Variants in KAZN observed in about 807,000 individuals in gnomAD.
KAZN encodes the protein kazrin.
In KAZN, 40 loss-of-function variants were observed where a neutral mutation model predicts 87.4. The observed-to-expected ratio is 0.46, with a 90% CI of 0.36 to 0.60. The LOEUF (loss-of-function observed/expected upper bound fraction) is 0.60. Among genes scored for constraint, KAZN ranks in the 20% least tolerant of loss-of-function variants. The probability of loss-of-function intolerance (pLI) is 0.00; values close to 1 mark genes in which losing one functional copy is unlikely to be tolerated. For missense variants in KAZN, 898 were observed against 1,073.9 expected, an observed-to-expected ratio of 0.84 and a Z score of 2.29; for synonymous variants, 466 against 458.3, an observed-to-expected ratio of 1.02 and a Z score of -0.22.
chr1:14,860,077 T>A (rs183839025), intron 1 of KAZN, among the ~76,000 whole-genome samples: 1 of 152,230 alleles, frequency 6.6e-6, no homozygotes, highest in Admixed American at 6.5e-5. Flanking sequence ...CTTCTCCAGG[T>A]ACCATTGCAA....
At chr1:14,510,067 C>T (rs1670819645) in intron 2 of KAZN, among the ~76,000 whole-genome samples, 1 of 152,136 alleles carries the variant, frequency 6.6e-6, no homozygotes, top group African/African-American at 2.4e-5. Context: ...ACATAGATCT[C>T]CGGTGAGTAC....
intron 2 of KAZN, among the ~76,000 whole-genome samples, chr1:14,466,918 G>A (rs1401408977): frequency 2.6e-5 from 4 of 152,112 alleles, no homozygotes; most frequent in Non-Finnish European, 2.9e-5. Flanking sequence ...GCAGTGAGCC[G>A]AGATCGCGCC....
At chr1:14,005,670 A>G (rs1640005698) in intron 1 of KAZN, among the ~76,000 whole-genome samples, 1 of 152,218 alleles carries the variant, frequency 6.6e-6, no homozygotes, top group Non-Finnish European at 1.5e-5. Context: ...GCCAGGCACT[A>G]CTGGGCTGAA....
intron 1 of KAZN, among the ~76,000 whole-genome samples, chr1:14,780,909 GGATTCGGTGTTCGGAAACAGCAAAAT>G (rs1385126924): frequency 4.6e-5 from 7 of 152,196 alleles, no homozygotes; most frequent in Non-Finnish European, 1.0e-4. Context: ...AAGAAGCAGA[GGATTCGGTGTTCGGAAACAGCAAAAT>G]CCCTTCTGCA....
In KAZN at chr1:15,099,013, C is replaced by T. The variant is rs1209195087; in HGVS notation, c.1548-2530C>T. ...GTGCAGAGATGGGGACTTCCAGGGGCTTTGGACACAGAGAAGGGCTCCTGA... is the reference window on the plus strand; with the variant it reads ...GTGCAGAGATGGGGACTTCCAGGGGTTTTGGACACAGAGAAGGGCTCCTGA... On this transcript the variant is annotated intron_variant, in intron 10 of 14. Coordinates refer to ENST00000376030, the MANE Select transcript of KAZN (RefSeq NM_201628.3). The surrounding 1 kb of genome is among the most constrained non-coding windows in gnomAD (Gnocchi z 5.4). Among the ~76,000 whole-genome samples, 3 of 152,304 alleles carry T rather than the reference C, an allele frequency of 2.0e-5. No individual in the cohort carries two copies. Among genetic ancestry groups the T allele is most frequent in the Admixed American group, 2.0e-4 (3 of 15,306 alleles).
At chr1:14,512,343 G>A (rs1286703071) in intron 2 of KAZN, among the ~76,000 whole-genome samples, 1 of 152,078 alleles carries the variant, frequency 6.6e-6, no homozygotes, top group Non-Finnish European at 1.5e-5. Flanking sequence ...CGCATTGTAG[G>A]ATGTCATTGT....
At chr1:14,608,094 C>T (rs568149884) in intron 1 of KAZN, among the ~76,000 whole-genome samples, 58 of 152,344 alleles carry the variant, frequency 3.8e-4, no homozygotes, top group East Asian at 2.7e-3. Context: ...CAGGTTCACA[C>T]GTTTGACTGA....
intron 1 of KAZN, among the ~76,000 whole-genome samples, chr1:14,623,782 G>A (rs1318011292): frequency 1.3e-5 from 2 of 151,164 alleles, no homozygotes; most frequent in African/African-American, 4.9e-5. Context: ...ATATCTAATT[G>A]ACTGATAGTT....
Position 14,644,507 on chromosome 1 carries a change from G to A in KAZN, c.226+45284G>A, listed in dbSNP as rs565016011. On this transcript the variant is annotated intron_variant, in intron 1 of 14. Coordinates refer to ENST00000376030, the MANE Select transcript of KAZN (RefSeq NM_201628.3). ...CTCCCGAGTAGCTGGGACTACAGGC[G>A]CCTGCCACCACACCCAGCTAATTTT... Among the ~76,000 whole-genome samples the A allele has an allele frequency of 1.2e-3, 177 of 151,688 alleles. 3 individuals carry two copies. The Middle Eastern group carries it at 0.017, about 15-fold the overall frequency.
chr1:13,998,002 A>G (rs967135927), intron 1 of KAZN, among the ~76,000 whole-genome samples: 1 of 152,230 alleles, frequency 6.6e-6, no homozygotes, highest in African/African-American at 2.4e-5. Context: ...CGACAAAGGG[A>G]AGCTCATTAG....
chr1:14,829,823 G>A (rs1288885083), intron 1 of KAZN, among the ~76,000 whole-genome samples: 2 of 152,238 alleles, frequency 1.3e-5, no homozygotes, highest in Non-Finnish European at 2.9e-5. Context: ...GATAGTGAAG[G>A]ACCATATGAG....
intron 13 of KAZN, among the ~76,000 whole-genome samples, chr1:15,105,654 C>G (rs1641270440): frequency 6.6e-6 from 1 of 152,018 alleles, no homozygotes; most frequent in Non-Finnish European, 1.5e-5. Context: ...GGCCTGAGTC[C>G]TAAACCCCTA....
At chr1:13,914,130 C>A (rs752129433) in intron 1 of KAZN, among the ~76,000 whole-genome samples, 2 of 152,296 alleles carry the variant, frequency 1.3e-5, no homozygotes, top group Non-Finnish European at 2.9e-5. Context: ...GATGGAGAAC[C>A]AAATCCCAGT....
intron 1 of KAZN, among the ~76,000 whole-genome samples, chr1:14,771,753 G>A (rs1199201972): frequency 6.6e-6 from 1 of 152,176 alleles, no homozygotes; most frequent in Middle Eastern, 3.2e-3. Flanking sequence ...TTGAACCCGG[G>A]AGGCGGAGGT....
At chr1:14,906,294 G>A (rs1202588698) in intron 1 of KAZN, among the ~76,000 whole-genome samples, 1 of 152,126 alleles carries the variant, frequency 6.6e-6, no homozygotes, top group African/African-American at 2.4e-5. Context: ...CAGTCCACAT[G>A]GTTGCCCTCA....
chr1:14,210,032 C>T (rs890282281), intron 2 of KAZN, among the ~76,000 whole-genome samples: 1 of 152,148 alleles, frequency 6.6e-6, no homozygotes, highest in Admixed American at 6.5e-5. Flanking sequence ...TTGAGGCCAG[C>T]GGTGGTGCTG....
At chr1:14,988,898 G>A (rs993972793) in intron 2 of KAZN, among the ~76,000 whole-genome samples, 24 of 152,342 alleles carry the variant, frequency 1.6e-4, no homozygotes, top group South Asian at 4.1e-4. Context: ...CACTGCATGC[G>A]AGACCACCTT....
intron 1 of KAZN, among the ~76,000 whole-genome samples, chr1:14,874,879 A>C (rs1652579978): frequency 6.6e-6 from 1 of 152,130 alleles, no homozygotes; most frequent in Non-Finnish European, 1.5e-5. Flanking sequence ...GGGATCCTAG[A>C]CTTACTTGGT....
chr1:14,183,141 G>T (rs1226602316), intron 2 of KAZN, among the ~76,000 whole-genome samples: 1 of 152,160 alleles, frequency 6.6e-6, no homozygotes, highest in African/African-American at 2.4e-5. Context: ...ATCGATTCAA[G>T]TCACATCTGT....
Sources: gnomAD v4.1 joint callset for allele counts (sites outside exome capture counted in the v4.1 genomes callset) on GRCh38, gnomAD v4.1.1 for gene constraint, Gnocchi (gnomAD v3.1) non-coding constraint, MANE v1.5 for transcripts, NCBI Gene and HGNC (gene_info 2026-07-23, HGNC 2026-07-21) for gene names.